VWDE: variants seen among roughly 807,000 people sequenced by gnomAD.
VWDE encodes von Willebrand factor D and EGF domains.
In VWDE, 207 loss-of-function variants were observed where a neutral mutation model predicts 178.4. That is an observed-to-expected ratio of 1.16 (90% CI 1.04 to 1.30). The LOEUF (loss-of-function observed/expected upper bound fraction) is 1.30. Ranked by LOEUF, VWDE falls within the 50% of genes most tolerant of loss-of-function variation. The pLI is 0.00. For missense variants in VWDE, 2,287 were observed against 1,901.3 expected (o/e 1.20, Z -3.77); for synonymous variants, 738 against 651.4 (o/e 1.13, Z -2.02).
chr7:12,361,158 A>G lies in VWDE; in HGVS notation c.3148T>C (p.Cys1050Arg). 7 of 1,528,920 alleles carry G rather than the reference A, an allele frequency of 4.6e-6. No individual in the cohort carries two copies. The highest frequency in any genetic ancestry group is 6.2e-6 in the Non-Finnish European group (7 of 1,127,900). The allele number at this position is 1,528,920 out of a possible 1,614,324, so 94.7% of individuals were successfully genotyped here. A position where few individuals can be genotyped will look rare whatever the true frequency, so the allele number is the denominator to read the frequency against. ...QVCGLYKNDSCTIKENVCIID... is the reference protein window; with the variant it reads ...QVCGLYKNDSRTIKENVCIID... ...AAAAAAATACATACCTTTATAGTAC[A>G]TGAGTCATTTTTATAGAGACCACAA... The change falls in exon 15 of 29, where the codon TGT becomes CGT. Residue 1050 changes from cysteine (C) to arginine (R), a missense_variant. By Grantham distance (180) the Cys-to-Arg change is radical. Transcript: ENST00000275358.
At chr7:12,387,117 T>C (rs1015590088) in intron 3 of VWDE, among the ~76,000 whole-genome samples, 1 of 152,184 alleles carries the variant, frequency 6.6e-6, no homozygotes, top group Non-Finnish European at 1.5e-5. Flanking sequence ...AATTCAATTT[T>C]CCATAAATGT....
chr7:12,347,328 A>T (rs189111683), intron 19 of VWDE, among the ~76,000 whole-genome samples: 1 of 152,314 alleles, frequency 6.6e-6, no homozygotes, highest in Admixed American at 6.5e-5. Flanking sequence ...CATTAAAGAA[A>T]GTAAGAAAAG....
chr7:12,355,394 C>A (rs189039058), intron 18 of VWDE, among the ~76,000 whole-genome samples: 1 of 140,844 alleles, frequency 7.1e-6, no homozygotes, highest in Non-Finnish European at 1.5e-5. Flanking sequence ...CCAGCCTGGG[C>A]GACAGAGTGA....
At position 12,393,771 on chromosome 7, in the gene VWDE, C is replaced by G; in HGVS notation, c.66G>C (p.Glu22Asp). Residue 22 changes from glutamate to aspartate, a missense_variant, in exon 2 of 29, where the codon GAG becomes GAC. Transcript: ENST00000275358. ...GAAACTGGTGTCCCCCAGGAGAGCA[C>G]TCCTGAGCTAGTATGGAAAGACAGG... ...LMFLAWGEAQ[E>D]CSPGGHQFLR... 1 of 1,545,344 alleles carries G rather than the reference C, an allele frequency of 6.5e-7. No individual in the cohort carries two copies. The highest frequency in any genetic ancestry group is 8.7e-7 in the Non-Finnish European group (1 of 1,144,648).
Position 12,370,749 on chromosome 7 carries a change from A to C in VWDE, c.1703T>G (p.Phe568Cys). The C allele has an allele frequency of 1.9e-6, 3 of 1,551,276 alleles. No individual in the cohort carries two copies. Among genetic ancestry groups the C allele is most frequent in the Non-Finnish European group, 2.6e-6 (3 of 1,146,738 alleles). The change falls in exon 11 of 29, where the codon TTT (phenylalanine) becomes TGT (cysteine). Residue 568 changes from phenylalanine to cysteine, a missense_variant. By Grantham distance (205) the Phe-to-Cys change is radical. Transcript: ENST00000275358. Reference protein sequence around the residue: ...YRNTLGLCGTFDENPENDFHD... With the variant: ...YRNTLGLCGTCDENPENDFHD... ...GAAATCATTTTCCGGATTTTCATCA[A>C]AGGTTCCACAAAGTCCCAGAGTGTT... is the stretch of plus-strand genomic sequence containing the variant.
At chr7:12,355,427 A>AT (rs1272319121) in intron 18 of VWDE, among the ~76,000 whole-genome samples, 1 of 151,794 alleles carries the variant, frequency 6.6e-6, no homozygotes, top group Non-Finnish European at 1.5e-5. Flanking sequence ...AAAAAAAAAA[A>AT]AAGTGCTGAA....
In VWDE at chr7:12,389,227, G is replaced by A. The variant is rs1053467828; in HGVS notation, c.375C>T (p.Asp125=). 3 of 1,551,604 alleles carry A rather than the reference G, an allele frequency of 1.9e-6. No individual in the cohort carries two copies. In the African/African-American group the frequency reaches 4.1e-5, roughly 21 times the overall value. ...TWQFLFSTTK[D]CCLFQIPVSV... is the part of the protein sequence containing the mutation. The stretch of plus-strand genomic sequence containing the variant: ...ACACTGGGATTTGAAAGAGACAGCA[G>A]TCTTTTGTAGTGCTGAACAAAAACT... The change falls in exon 3 of 29, where the codon GAC becomes GAT. Residue 125 remains aspartate (D), a synonymous_variant. Coordinates refer to ENST00000275358, the MANE Select transcript of VWDE (RefSeq NM_001135924.3).
At chr7:12,400,360 T>C (rs995490038) in intron 1 of VWDE, among the ~76,000 whole-genome samples, 4 of 151,996 alleles carry the variant, frequency 2.6e-5, no homozygotes, top group Admixed American at 6.6e-5. Context: ...AAGATTCAAA[T>C]GACAAGAAGC....
chr7:12,380,915 A>C (rs1010391376), intron 4 of VWDE, among the ~76,000 whole-genome samples, 182 bp from the exon 5 acceptor site: 1 of 152,202 alleles, frequency 6.6e-6, no homozygotes, highest in Admixed American at 6.5e-5. Context: ...CCATAATCAC[A>C]CAAATATTGA....
chr7:12,346,779 A>G (rs1781623914), intron 19 of VWDE, among the ~76,000 whole-genome samples: 2 of 152,096 alleles, frequency 1.3e-5, no homozygotes, highest in African/African-American at 2.4e-5. Context: ...TCTATTGCAA[A>G]TTTAGGATTT....
intron 22 of VWDE, among the ~76,000 whole-genome samples, chr7:12,342,842 C>T (rs1314832585): frequency 1.3e-5 from 2 of 151,316 alleles, no homozygotes; most frequent in African/African-American, 4.9e-5. Flanking sequence ...ATCCCCCCAC[C>T]CCACAACAGT....
chr7:12,349,807 C>G (rs1160592697), intron 19 of VWDE, among the ~76,000 whole-genome samples: 1 of 151,866 alleles, frequency 6.6e-6, no homozygotes, highest in Non-Finnish European at 1.5e-5. Context: ...AAAGATACAA[C>G]TAAACAACTT....
At chr7:12,354,446 G>C (rs1310584960) in intron 18 of VWDE, 5 of 425,844 alleles carry the variant, frequency 1.2e-5, no homozygotes, top group African/African-American at 1.0e-4. Context: ...TCAAAGCAAG[G>C]CTTGGAGTCA....
intron 1 of VWDE, among the ~76,000 whole-genome samples, chr7:12,398,977 C>T (rs1238398262): frequency 6.6e-6 from 1 of 152,042 alleles, no homozygotes; most frequent in Non-Finnish European, 1.5e-5. Flanking sequence ...ATCATCCATA[C>T]CTCAAACCTC....
chr7:12,357,740 T>C (rs1782339258), intron 16 of VWDE, among the ~76,000 whole-genome samples: 1 of 152,006 alleles, frequency 6.6e-6, no homozygotes, highest in Non-Finnish European at 1.5e-5. Flanking sequence ...ATTATGAAAG[T>C]ATGAAATCAC....
Position 12,377,849 on chromosome 7 carries a change from AG to A in VWDE, c.950del (p.Pro317LeufsTer18), listed in dbSNP as rs1233319545. On this transcript the variant is annotated frameshift_variant, in exon 7 of 29. Coordinates refer to ENST00000275358, the MANE Select transcript of VWDE (RefSeq NM_001135924.3). LOFTEE classifies it high-confidence loss of function. The stretch of plus-strand genomic sequence containing the variant: ...GCTCACTAAATTCAGAACAAATAAT[AG>A]GAACTGTGCTTTCTATCCTCAGGTA... ...EYYLRIESTV[P>X]IICSEFSELD... 6.5e-7 allele frequency: 1 copy of A among 1,530,224 alleles called. No homozygotes were observed. The highest frequency in any genetic ancestry group is 1.4e-5 in the African/African-American group (1 of 72,342). 94.8% of individuals were successfully genotyped at this position (1,530,224 alleles called of 1,614,324 possible). A position where few individuals can be genotyped will look rare whatever the true frequency, so the allele number is the denominator to read the frequency against.
chr7:12,379,329 G>A (rs1233917697), intron 6 of VWDE, 148 bp downstream of exon 6: 3 of 469,410 alleles, frequency 6.4e-6, no homozygotes, highest in South Asian at 6.4e-5. Context: ...AGAATTACTG[G>A]GGCTTTTCTT....
At chr7:12,334,907 G>A (rs1780930276) in intron 27 of VWDE, among the ~76,000 whole-genome samples, 2 of 152,004 alleles carry the variant, frequency 1.3e-5, no homozygotes, top group South Asian at 2.1e-4. Flanking sequence ...ATTCCAATTG[G>A]AATTATCAAT....
At chr7:12,400,915 C>G (rs757090761) in intron 1 of VWDE, among the ~76,000 whole-genome samples, 2 of 152,020 alleles carry the variant, frequency 1.3e-5, no homozygotes, top group Non-Finnish European at 2.9e-5. Flanking sequence ...TAACTAAAAT[C>G]GAATTACTAT....
Sources: allele counts gnomAD v4.1 joint callset (sites outside exome capture counted in the v4.1 genomes callset), GRCh38; gene constraint gnomAD v4.1.1; transcripts MANE v1.5; gene names NCBI Gene and HGNC (gene_info 2026-07-23, HGNC 2026-07-21).